Variants in SRGAP2C observed in about 807,000 individuals in gnomAD.
SRGAP2C encodes the protein SLIT-ROBO Rho GTPase-activating protein 2C.
In SRGAP2C, 15 loss-of-function variants were observed where a neutral mutation model predicts 25.1. That is an observed-to-expected ratio of 0.60 (90% CI 0.40 to 0.92). SRGAP2C has a LOEUF of 0.92. Ranked by LOEUF, SRGAP2C falls within the 40% of genes least tolerant of loss-of-function variation. SRGAP2C has a pLI of 0.00. For missense variants in SRGAP2C, 144 were observed against 264.4 expected (o/e 0.54, Z 3.16); for synonymous variants, 44 against 96.6 (o/e 0.46, Z 3.19).
intron 2 of SRGAP2C, among the ~76,000 whole-genome samples, chr1:121,191,613 C>T (rs1234364867): frequency 3.3e-5 from 5 of 150,252 alleles, no homozygotes; most frequent in African/African-American, 7.3e-5. Flanking sequence ...ATTGGAGCAG[C>T]GAAGGTGGTA....
rs1245389142 is a variant in SRGAP2C, at chr1:121,388,905, A to ATGAT, written c.*1052_*1055dup. 8.6e-6 allele frequency: 1 copy of ATGAT among 116,786 alleles called. No individual in the cohort carries two copies. Among genetic ancestry groups the ATGAT allele is most frequent in the Non-Finnish European group, 1.7e-5 (1 of 57,424 alleles). The allele number at this position is 116,786 out of a possible 1,614,324, so 7.2% of individuals were successfully genotyped here. ...ATTCTTCTAAAACAACTTTTTAAAA[A>ATGAT]TGATTATACAAAGCCAAATATGCTC... is the stretch of plus-strand genomic sequence containing the variant. On this transcript the variant is annotated 3_prime_UTR_variant, in exon 10 of 10. Transcript: ENST00000367123.
At chr1:121,224,862 A>T (rs2101455955) in intron 2 of SRGAP2C, among the ~76,000 whole-genome samples, 1 of 150,838 alleles carries the variant, frequency 6.6e-6, no homozygotes, top group East Asian at 2.0e-4. Flanking sequence ...GGATGTGTAC[A>T]CAGCAGCATG....
chr1:121,271,639 T>C (rs782469838), intron 2 of SRGAP2C, among the ~76,000 whole-genome samples: 4 of 121,112 alleles, frequency 3.3e-5, no homozygotes, highest in Admixed American at 9.0e-5. Flanking sequence ...GAAAGCAAAT[T>C]AGTGAGCCAC....
intron 2 of SRGAP2C, among the ~76,000 whole-genome samples, chr1:121,208,858 C>T (rs1183906813): frequency 3.0e-4 from 45 of 152,070 alleles, no homozygotes; most frequent in Non-Finnish European, 6.2e-4. Flanking sequence ...ATTATTTGTG[C>T]CGTCATCTGC....
At chr1:121,315,466 A>T (rs1658076321) in intron 3 of SRGAP2C, among the ~76,000 whole-genome samples, 1 of 149,708 alleles carries the variant, frequency 6.7e-6, no homozygotes, top group African/African-American at 2.5e-5. Flanking sequence ...ATGGAGTTTC[A>T]CATTGTTCAT....
At chr1:121,189,096 C>CTT (rs1172103186) in intron 2 of SRGAP2C, among the ~76,000 whole-genome samples, 1,309 of 29,044 alleles carry the variant, frequency 0.045, 325 homozygotes, top group African/African-American at 0.15. Flanking sequence ...CCAGATATGT[C>CTT]TTTTTTTTTT....
At chr1:121,228,848 T>C (rs1429456950) in intron 2 of SRGAP2C, among the ~76,000 whole-genome samples, 1 of 150,838 alleles carries the variant, frequency 6.6e-6, no homozygotes, top group East Asian at 1.9e-4. Flanking sequence ...TGTCATGTTA[T>C]GTGGGCATAT....
chr1:121,223,146 G>A (rs1435346813), intron 2 of SRGAP2C, among the ~76,000 whole-genome samples: 3 of 149,304 alleles, frequency 2.0e-5, no homozygotes, highest in Non-Finnish European at 4.5e-5. Flanking sequence ...AGAGCTCTGT[G>A]CTGCCCTTTC....
chr1:121,312,945 T>C (rs1307983861), intron 3 of SRGAP2C, among the ~76,000 whole-genome samples: 40 of 34,938 alleles, frequency 1.1e-3, no homozygotes, highest in South Asian at 2.0e-3. Context: ...TTAGGTCCGC[T>C]TGGTGCAGAG....
At chr1:121,269,641 G>A in intron 2 of SRGAP2C, among the ~76,000 whole-genome samples, 1 of 151,934 alleles carries the variant, frequency 6.6e-6, no homozygotes, top group East Asian at 1.9e-4. Flanking sequence ...TATACCATAT[G>A]TACTATAAAA....
At chr1:121,295,200 A>T (rs1455797091) in intron 3 of SRGAP2C, among the ~76,000 whole-genome samples, 6 of 127,208 alleles carry the variant, frequency 4.7e-5, no homozygotes, top group Non-Finnish European at 8.4e-5. Flanking sequence ...CTGGGAGAAT[A>T]AGTGGATGTG....
intron 2 of SRGAP2C, among the ~76,000 whole-genome samples, chr1:121,202,468 A>C: frequency 1.4e-5 from 2 of 142,390 alleles, no homozygotes. Flanking sequence ...TTGCTCTGTC[A>C]CTCAGGCTGG....
intron 4 of SRGAP2C, among the ~76,000 whole-genome samples, chr1:121,340,353 C>T (rs1443758315): frequency 1.3e-5 from 2 of 151,958 alleles, no homozygotes; most frequent in Non-Finnish European, 1.5e-5. Flanking sequence ...ACATAGTCTA[C>T]CTGAGCTTTC....
At chr1:121,359,592 G>T (rs1203081686) in intron 4 of SRGAP2C, among the ~76,000 whole-genome samples, 2 of 152,152 alleles carry the variant, frequency 1.3e-5, no homozygotes, top group Admixed American at 1.3e-4. Flanking sequence ...AACTCAGTGA[G>T]ATCCCATCTC....
intron 3 of SRGAP2C, among the ~76,000 whole-genome samples, chr1:121,287,935 G>T (rs1657411031): frequency 6.6e-6 from 1 of 151,692 alleles, no homozygotes; most frequent in Admixed American, 6.6e-5. Context: ...GCAGATCTTT[G>T]CAGTGAGTGT....
chr1:121,367,920 A>T (rs1659376050), intron 5 of SRGAP2C, among the ~76,000 whole-genome samples: 1 of 131,638 alleles, frequency 7.6e-6, no homozygotes, highest in Non-Finnish European at 1.6e-5. Context: ...TAAAAATACA[A>T]AAAAAATTAG....
rs201539761 is a variant in SRGAP2C at position 121,370,439 on chromosome 1, CTTTTTTT to C, written c.487-3518_487-3512del. ...TGGGGCCTCACTGTTCTCAGACTTCCTTTTTTTTTTTTTTTTTTTTGAGATGGAGTCT... is the reference window on the plus strand; with the variant it reads ...TGGGGCCTCACTGTTCTCAGACTTCCTTTTTTTTTTTTTGAGATGGAGTCT... On this transcript the variant is annotated intron_variant, in intron 5 of 9. Coordinates refer to ENST00000367123, the MANE Select transcript of SRGAP2C (RefSeq NM_001329984.2). Among the ~76,000 whole-genome samples the C allele has an allele frequency of 2.4e-3, 198 of 81,752 alleles. 2 individuals are homozygous for C. Among genetic ancestry groups the C allele is most frequent in the African/African-American group, 8.7e-3 (189 of 21,684 alleles). The allele number at this position is 81,752 out of a possible 152,430, so 53.6% of individuals were successfully genotyped here.
chr1:121,289,168 G>C (rs1331687404), intron 3 of SRGAP2C, among the ~76,000 whole-genome samples: 3 of 148,684 alleles, frequency 2.0e-5, no homozygotes, highest in Non-Finnish European at 4.5e-5. Flanking sequence ...GGTGCTCGTC[G>C]GGGAGGCTCC....
chr1:121,255,448 C>T lies in SRGAP2C; in HGVS notation c.68-29355C>T, dbSNP rs1432285008. On this transcript the variant is annotated intron_variant, in intron 2 of 9. Transcript: ENST00000367123. ...AATTTCTTGGATTTTTTTTTTCTAT[C>T]CCTTCATTCCGTTGATTCTGATGTC... Among the ~76,000 whole-genome samples the T allele has an allele frequency of 4.8e-4, 73 of 151,418 alleles. 3 individuals carry two copies. The highest frequency in any genetic ancestry group is 1.0e-4 in the Non-Finnish European group (7 of 67,810).
Sources: allele counts gnomAD v4.1 joint callset (sites outside exome capture counted in the v4.1 genomes callset), GRCh38; gene constraint gnomAD v4.1.1; transcripts MANE v1.5; gene names NCBI Gene and HGNC (gene_info 2026-07-23, HGNC 2026-07-21).